LAMA4: variants seen among roughly 807,000 people sequenced by gnomAD.
The protein encoded by LAMA4 is laminin subunit alpha-4.
In LAMA4, 127 loss-of-function variants were observed where a neutral mutation model predicts 207.1. The observed-to-expected ratio is 0.61, with a 90% CI of 0.53 to 0.71. The LOEUF is 0.71. LAMA4 is among the 30% of genes least tolerant of loss of function. LAMA4 has a pLI of 0.00. For missense variants in LAMA4, 2,093 were observed against 2,246.5 expected (o/e 0.93, Z 1.38); for synonymous variants, 761 against 816.0 (o/e 0.93, Z 1.15).
chr6:112,126,170 G>C (rs1344181871), intron 31 of LAMA4, among the ~76,000 whole-genome samples: 3 of 152,174 alleles, frequency 2.0e-5, no homozygotes, highest in African/African-American at 7.2e-5. Context: ...TGTTTGTTGG[G>C]AAATCACATT....
At position 112,142,420 on chromosome 6, in the gene LAMA4, C is replaced by T. The variant is rs189370279; in HGVS notation, c.2494-128G>A. 1.9e-3 allele frequency: 1,614 copies of T among 840,784 alleles called. 4 individuals carry two copies. Among genetic ancestry groups the T allele is most frequent in the Non-Finnish European group, 2.5e-3 (1,239 of 494,016 alleles). 52.1% of individuals were successfully genotyped at this position (840,784 alleles called of 1,614,324 possible). A position where few individuals can be genotyped will look rare whatever the true frequency, so the allele number is the denominator to read the frequency against. ...CCTCCATACCTGTAGTTATTTACCACATCCTCCCCTAGTTGAAGAGAAGAC... is the reference window on the plus strand; with the variant it reads ...CCTCCATACCTGTAGTTATTTACCATATCCTCCCCTAGTTGAAGAGAAGAC... On this transcript the variant is annotated intron_variant, in intron 19 of 38. Transcript: ENST00000230538.
At chr6:112,133,920 A>T (rs532083417) in intron 26 of LAMA4, among the ~76,000 whole-genome samples, 1 of 152,336 alleles carries the variant, frequency 6.6e-6, no homozygotes, top group East Asian at 1.9e-4. Context: ...TTATGTCACA[A>T]GTGATGTTAG....
chr6:112,254,450 G>A lies in LAMA4; in HGVS notation c.-142+9C>T. On this transcript the variant is annotated intron_variant, in intron 1 of 38. Coordinates refer to ENST00000230538, the MANE Select transcript of LAMA4 (RefSeq NM_001105206.3). ...CTGGCTCAAGAACCTACAGATGGAC[G>A]GAGCTTACAGTACGGCATCAAAAGG... is the stretch of plus-strand genomic sequence containing the variant. The A allele has an allele frequency of 2.1e-6, 1 of 467,226 alleles. No homozygotes were observed. Among genetic ancestry groups the A allele is most frequent in the South Asian group, 2.1e-5 (1 of 48,064 alleles). The allele number at this position is 467,226 out of a possible 1,614,324, so 28.9% of individuals were successfully genotyped here.
At chr6:112,200,679 A>G (rs1409967042) in intron 5 of LAMA4, among the ~76,000 whole-genome samples, 1 of 152,250 alleles carries the variant, frequency 6.6e-6, no homozygotes, top group African/African-American at 2.4e-5. Flanking sequence ...TGGCACATAT[A>G]CACCATGGAA....
At chr6:112,160,772 C>A (rs1781008462) in intron 13 of LAMA4, among the ~76,000 whole-genome samples, 1 of 152,240 alleles carries the variant, frequency 6.6e-6, no homozygotes, top group Non-Finnish European at 1.5e-5. Flanking sequence ...CCTTTCCTCT[C>A]CCCTGAGTGA....
chr6:112,212,800 A>G (rs1386942969), intron 3 of LAMA4, among the ~76,000 whole-genome samples: 1 of 152,210 alleles, frequency 6.6e-6, no homozygotes, highest in Non-Finnish European at 1.5e-5. Context: ...CTCTATAATC[A>G]GTTTCTTCCT....
intron 9 of LAMA4, among the ~76,000 whole-genome samples, chr6:112,181,678 C>G (rs1782366884): frequency 1.3e-5 from 2 of 152,164 alleles, no homozygotes; most frequent in Admixed American, 6.5e-5. Context: ...ACCGTTTAGC[C>G]TGTACCATGT....
intron 33 of LAMA4, 99 bp from the exon 34 acceptor site, chr6:112,119,410 T>C: frequency 7.8e-7 from 1 of 1,288,698 alleles, no homozygotes; most frequent in Non-Finnish European, 1.1e-6. Context: ...TGCAATGCTG[T>C]GGGAAATCTT....
At chr6:112,137,665 A>G (rs1283459295) in intron 24 of LAMA4, among the ~76,000 whole-genome samples, 2 of 152,242 alleles carry the variant, frequency 1.3e-5, no homozygotes, top group Non-Finnish European at 2.9e-5. Flanking sequence ...TATAACCGAA[A>G]TAATAGAATA....
At chr6:112,151,963 T>C (rs1780430227) in intron 16 of LAMA4, among the ~76,000 whole-genome samples, 1 of 152,154 alleles carries the variant, frequency 6.6e-6, no homozygotes, top group South Asian at 2.1e-4. Flanking sequence ...ATTGATTTTT[T>C]AAATGTTAAA....
intron 7 of LAMA4, among the ~76,000 whole-genome samples, chr6:112,187,868 C>A (rs887926446): frequency 2.0e-5 from 3 of 152,132 alleles, no homozygotes; most frequent in Non-Finnish European, 4.4e-5. Flanking sequence ...CCAGGGAGGG[C>A]ACAGCTCCTC....
intron 13 of LAMA4, among the ~76,000 whole-genome samples, chr6:112,160,009 TA>T (rs1437514439): frequency 6.6e-6 from 1 of 152,200 alleles, no homozygotes; most frequent in African/African-American, 2.4e-5. Flanking sequence ...AGCTGCTTAA[TA>T]CTGGGACTGA....
intron 36 of LAMA4, among the ~76,000 whole-genome samples, chr6:112,115,160 T>C (rs1001133362): frequency 2.6e-5 from 4 of 152,272 alleles, no homozygotes; most frequent in Non-Finnish European, 5.9e-5. Context: ...TACTGTTACC[T>C]ACATCATGGA....
rs1554358671 is a variant in LAMA4, at chr6:112,216,382, A to G, written c.283T>C (p.Ser95Pro). 1.9e-6 allele frequency: 3 copies of G among 1,612,294 alleles called. No homozygotes were observed. Among genetic ancestry groups the G allele is most frequent in the Middle Eastern group, 1.6e-4 (1 of 6,062 alleles). ...NGNSNECLDG[S>P]GYCVHCQRNT... is the part of the protein sequence containing the mutation. ...CCCCAACTTACCACACAGTATCCTG[A>G]GCCGTCCAAACACTCGTTGGAATTG... Residue 95 changes from serine (S) to proline (P), a missense_variant, in exon 3 of 39, where the codon TCA becomes CCA. Ser to Pro is a moderately conservative substitution (Grantham distance 74). Coordinates refer to ENST00000230538, the MANE Select transcript of LAMA4 (RefSeq NM_001105206.3).
rs781875059 is a variant in LAMA4 at position 112,201,613 on chromosome 6, A to T, written c.498T>A (p.Cys166Ter). ...AGAGAATTTTATTGGCTTACCTTTC[A>T]CAGTTAGGTCCAGCATAATTTTCGT... ...ICNENYAGPN[C>*]ERCAPGYYGN... is the part of the protein sequence containing the mutation. The change falls in exon 5 of 39, where the codon TGT becomes TGA. Residue 166 changes from cysteine (C) to a stop codon, truncating the protein, a stop_gained. Coordinates refer to ENST00000230538, the MANE Select transcript of LAMA4 (RefSeq NM_001105206.3). LOFTEE classifies it high-confidence loss of function. The T allele has an allele frequency of 1.2e-6, 2 of 1,613,020 alleles. No individual in the cohort carries two copies. Among genetic ancestry groups the T allele is most frequent in the Non-Finnish European group, 1.7e-6 (2 of 1,179,024 alleles).
intron 12 of LAMA4, among the ~76,000 whole-genome samples, chr6:112,169,772 A>G (rs1468610929): frequency 2.6e-5 from 4 of 152,238 alleles, no homozygotes; most frequent in African/African-American, 9.6e-5. Flanking sequence ...TTTGGTAGCC[A>G]TATGCATGAA....
At chr6:112,154,724 A>G (rs1780600218) in intron 16 of LAMA4, 127 bp downstream of exon 16, 1 of 724,536 alleles carries the variant, frequency 1.4e-6, no homozygotes, top group African/African-American at 1.7e-5. Flanking sequence ...CTGAGCAGGA[A>G]CTACTGATAT....
intron 9 of LAMA4, among the ~76,000 whole-genome samples, chr6:112,182,219 C>T (rs1782408361): frequency 6.6e-6 from 1 of 151,844 alleles, no homozygotes. Flanking sequence ...GTTCCAGGAC[C>T]CCACAGATAC....
chr6:112,114,650 TCA>T lies in LAMA4; in HGVS notation c.5206+11_5206+12del. 6.3e-7 allele frequency: 1 copy of T among 1,581,922 alleles called. No individual in the cohort carries two copies. Among genetic ancestry groups the T allele is most frequent in the Non-Finnish European group, 8.7e-7 (1 of 1,150,738 alleles). ...TGGGTGTGCAGGCTCCCCAGGGCAG[TCA>T]GTTTTCTCACCTGTAATTCTGTGCC... On this transcript the variant is annotated intron_variant, in intron 37 of 38. Transcript: ENST00000230538.
Sources: gnomAD v4.1 joint callset for allele counts (sites outside exome capture counted in the v4.1 genomes callset) on GRCh38, gnomAD v4.1.1 for gene constraint, MANE v1.5 for transcripts, NCBI Gene and HGNC (gene_info 2026-07-23, HGNC 2026-07-21) for gene names.